Variants in DAO observed in about 807,000 individuals in gnomAD.
The protein encoded by DAO is D-amino-acid oxidase.
In DAO, 51 loss-of-function variants were observed where a neutral mutation model predicts 50.1. The observed-to-expected ratio is 1.02, with a 90% CI of 0.81 to 1.29. DAO has a LOEUF of 1.29. DAO is among the 50% of genes most tolerant of loss of function. DAO has a pLI of 0.00. For missense variants in DAO, 436 were observed against 439.4 expected, an observed-to-expected ratio of 0.99 and a Z score of 0.07; for synonymous variants, 160 against 166.2, an observed-to-expected ratio of 0.96 and a Z score of 0.29.
chr12:108,883,024 A>G (rs1482102493), intron 1 of DAO, among the ~76,000 whole-genome samples: 2 of 152,090 alleles, frequency 1.3e-5, no homozygotes, highest in African/African-American at 2.4e-5. Context: ...TAAAAAAAAG[A>G]AAAAGAGTGG....
rs185053494 is a variant in DAO, at chr12:108,900,385, T to C, written c.913-19T>C. ...CTGTCCCTCTCGGACCTGGCCACCT[T>C]CTCTCTTGCCTCTCCTAGGTCATCC... On this transcript the variant is annotated intron_variant, in intron 10 of 10. Transcript: ENST00000228476. 3.5e-4 allele frequency: 562 copies of C among 1,613,528 alleles called. 1 individual carries two copies. In the African/African-American group the frequency reaches 7.1e-3, roughly 20 times the overall value.
intron 4 of DAO, 146 bp from the exon 5 acceptor site, chr12:108,890,062 C>G (rs139714068): frequency 1.4e-6 from 1 of 733,500 alleles, no homozygotes; most frequent in Non-Finnish European, 2.5e-6. Context: ...AGCTCAAAAC[C>G]ACGTCCCCCC....
intron 7 of DAO, among the ~76,000 whole-genome samples, chr12:108,894,995 C>A (rs189797746): frequency 5.4e-4 from 83 of 152,302 alleles, no homozygotes; most frequent in African/African-American, 2.0e-3. Context: ...GGATTACAGG[C>A]GTGAGCCACC....
chr12:108,891,410 A>C (rs569084287), intron 5 of DAO, among the ~76,000 whole-genome samples: 1 of 150,618 alleles, frequency 6.6e-6, no homozygotes, highest in Non-Finnish European at 1.5e-5. Context: ...TGATCATGCC[A>C]CTGCACTCCA....
chr12:108,896,218 T>C (rs981354267), intron 7 of DAO, among the ~76,000 whole-genome samples: 2 of 151,516 alleles, frequency 1.3e-5, no homozygotes, highest in African/African-American at 4.9e-5. Context: ...GGTCAGGAGT[T>C]CGAGACCAGC....
Position 108,887,465 on chromosome 12 carries a change from G to T in DAO, c.210G>T (p.Gln70His). 6.2e-7 allele frequency: 1 copy of T among 1,614,004 alleles called. No individual in the cohort carries two copies. The highest frequency in any genetic ancestry group is 8.5e-7 in the Non-Finnish European group (1 of 1,179,926). Residue 70 changes from glutamine (Q) to histidine (H), a missense_variant, in exon 3 of 11, where the codon CAG becomes CAT. Coordinates refer to ENST00000228476, the MANE Select transcript of DAO (RefSeq NM_001917.5). ...ACCCTTCCAGGGACTGGAGCCAACA[G>T]ACCTTTGACTATCTCCTGAGCCATG... is the stretch of plus-strand genomic sequence containing the variant. ...NNPQEADWSQ[Q>H]TFDYLLSHVH...
chr12:108,883,714 T>C (rs1163148582), intron 1 of DAO: 3 of 448,506 alleles, frequency 6.7e-6, no homozygotes, highest in Non-Finnish European at 1.4e-5. Context: ...AGAGGGGCTG[T>C]CCCCTAAGCC....
At chr12:108,894,153 G>C (rs2039521130) in intron 6 of DAO, 110 bp from the exon 7 acceptor site, 1 of 845,414 alleles carries the variant, frequency 1.2e-6, no homozygotes, top group African/African-American at 1.7e-5. Flanking sequence ...TCTCCCCACT[G>C]TTCATCAGGG....
chr12:108,895,485 G>C (rs549918668), intron 7 of DAO, among the ~76,000 whole-genome samples: 2 of 146,726 alleles, frequency 1.4e-5, no homozygotes, highest in East Asian at 4.1e-4. Flanking sequence ...GCATGTATGT[G>C]AGGGTGTATG....
intron 1 of DAO, among the ~76,000 whole-genome samples, chr12:108,884,488 A>G (rs2039412800): frequency 6.6e-6 from 1 of 152,204 alleles, no homozygotes; most frequent in South Asian, 2.1e-4. Context: ...TCAGTATATT[A>G]CTTCTTTTGC....
Position 108,893,031 on chromosome 12 carries a change from G to A in DAO, c.502G>A (p.Glu168Lys), listed in dbSNP as rs377144646. Residue 168 changes from glutamate to lysine, a missense_variant, in exon 6 of 11, where the codon GAG (glutamate) becomes AAG (lysine). By Grantham distance (56) the Glu-to-Lys change is moderately conservative. Transcript: ENST00000228476. ...KFFQRKVESF[E>K]EVAREGADVI... Reference sequence around the variant, plus strand: ...CTTCCAGCGGAAAGTGGAGTCTTTTGAGGAGGTGAGTTGCAGGGCTGATGC... The same window carrying A: ...CTTCCAGCGGAAAGTGGAGTCTTTTAAGGAGGTGAGTTGCAGGGCTGATGC... The A allele has an allele frequency of 4.8e-5, 77 of 1,613,808 alleles. No individual in the cohort carries two copies. Among genetic ancestry groups the A allele is most frequent in the Non-Finnish European group, 6.3e-5 (74 of 1,179,932 alleles).
Position 108,895,572 on chromosome 12 carries a change from G to A in DAO, c.612+1205G>A, listed in dbSNP as rs371595400. The stretch of plus-strand genomic sequence containing the variant: ...TGTGCATGTGTGTGAAGGTGTGTGC[G>A]CATGTGAGAGTGTATGTACGTGTGT... On this transcript the variant is annotated intron_variant, in intron 7 of 10. Transcript: ENST00000228476. Among the ~76,000 whole-genome samples the A allele has an allele frequency of 7.8e-4, 116 of 148,026 alleles. 1 individual carries two copies. The highest frequency in any genetic ancestry group is 3.9e-3 in the South Asian group (18 of 4,638).
chr12:108,885,619 G>A (rs1372917112), intron 2 of DAO, among the ~76,000 whole-genome samples: 1 of 152,068 alleles, frequency 6.6e-6, no homozygotes, highest in African/African-American at 2.4e-5. Flanking sequence ...AAAAAATAAA[G>A]AAAAGATTCA....
rs370409180 is a variant in DAO at position 108,889,497 on chromosome 12, G to A, written c.338G>A (p.Gly113Glu). ...CCTTCCTGGAAGGACACAGTTCTGG[G>A]ATTTCGGAAGCTGACCCCCAGAGAG... ...PDPSWKDTVL[G>E]FRKLTPRELD... The change falls in exon 4 of 11, where the codon GGA (glycine) becomes GAA (glutamate). Residue 113 changes from glycine to glutamate, a missense_variant. Transcript: ENST00000228476. 4.6e-5 allele frequency: 74 copies of A among 1,612,914 alleles called. No homozygotes were observed. Among genetic ancestry groups the A allele is most frequent in the Non-Finnish European group, 6.1e-5 (72 of 1,179,410 alleles).
intron 7 of DAO, among the ~76,000 whole-genome samples, chr12:108,895,298 C>T (rs1289275813): frequency 6.8e-6 from 1 of 146,334 alleles, no homozygotes; most frequent in African/African-American, 2.5e-5. Context: ...GGTATGTGTG[C>T]ATATGTGTGT....
In DAO at chr12:108,880,210, A is replaced by C. The variant is rs1342419398; in HGVS notation, c.-24A>C. Reference sequence around the variant, plus strand: ...ACTGCAGTTGTCTGGTCTCTCCAGCAGTTTGGTACTTCCGGTGAGTGGCAG... The same window carrying C: ...ACTGCAGTTGTCTGGTCTCTCCAGCCGTTTGGTACTTCCGGTGAGTGGCAG... On this transcript the variant is annotated 5_prime_UTR_variant, in exon 1 of 11. Transcript: ENST00000228476. The C allele has an allele frequency of 6.7e-6, 3 of 444,990 alleles. No individual in the cohort carries two copies. The Admixed American group carries it at 7.2e-5, about 11-fold the overall frequency. The allele number at this position is 444,990 out of a possible 1,614,324, so 27.6% of individuals were successfully genotyped here.
At chr12:108,889,754 T>G (rs1331540912) in intron 4 of DAO, among the ~76,000 whole-genome samples, 1 of 152,064 alleles carries the variant, frequency 6.6e-6, no homozygotes, top group African/African-American at 2.4e-5. Context: ...AAATCACAGA[T>G]CTCAAGCCCA....
rs1177765990 is a variant in DAO, at chr12:108,885,188, A to G, written c.182A>G (p.Asn61Ser). ...LWQPYLSDPN[N>S]PQEADWSQQT... Reference sequence around the variant, plus strand: ...CAGCCCTACCTTTCTGACCCCAACAACCCACAGGAGGCGTGAGTGAGGGTC... The same window carrying G: ...CAGCCCTACCTTTCTGACCCCAACAGCCCACAGGAGGCGTGAGTGAGGGTC... The change falls in exon 2 of 11, where the codon AAC becomes AGC. Residue 61 changes from asparagine to serine, a missense_variant. Transcript: ENST00000228476. 3 of 1,612,926 alleles carry G rather than the reference A, an allele frequency of 1.9e-6. No individual in the cohort carries two copies. The highest frequency in any genetic ancestry group is 2.5e-6 in the Non-Finnish European group (3 of 1,179,772).
At position 108,894,519 on chromosome 12, in the gene DAO, T is replaced by C. The variant is rs76477430; in HGVS notation, c.612+152T>C. ...TTGACATGTAAAAAAAACAAACCTGTCCCACCCCCATTGCTCTCTTTCAGG... is the reference window on the plus strand; with the variant it reads ...TTGACATGTAAAAAAAACAAACCTGCCCCACCCCCATTGCTCTCTTTCAGG... On this transcript the variant is annotated intron_variant, in intron 7 of 10. Transcript: ENST00000228476. The C allele has an allele frequency of 2.2e-3, 1,416 of 658,030 alleles. 13 individuals carry two copies. The highest frequency in any genetic ancestry group is 0.02 in the African/African-American group (1,136 of 55,446). The allele number at this position is 658,030 out of a possible 1,614,324, so 40.8% of individuals were successfully genotyped here. A position where few individuals can be genotyped will look rare whatever the true frequency, so the allele number is the denominator to read the frequency against.
Sources: gnomAD v4.1 joint callset for allele counts (sites outside exome capture counted in the v4.1 genomes callset) on GRCh38, gnomAD v4.1.1 for gene constraint, MANE v1.5 for transcripts, NCBI Gene and HGNC (gene_info 2026-07-23, HGNC 2026-07-21) for gene names.